CNTNAP5: variants seen among roughly 807,000 people sequenced by gnomAD.
The protein encoded by CNTNAP5 is contactin associated protein family member 5.
Under a neutral mutation model 150.2 loss-of-function variants are expected in CNTNAP5, and 72 were observed. The observed-to-expected ratio is 0.48, with a 90% CI of 0.40 to 0.58. The LOEUF is 0.58. Ranked by LOEUF, CNTNAP5 falls within the 20% of genes least tolerant of loss-of-function variation. CNTNAP5 has a pLI of 0.00. For synonymous variants in CNTNAP5, 672 were observed against 619.8 expected (o/e 1.08, Z -1.25); for missense variants, 1,636 against 1,626.2 (o/e 1.01, Z -0.10).
intron 21 of CNTNAP5, among the ~76,000 whole-genome samples, chr2:124,875,698 G>GTTTTTTT (rs5834090): frequency 6.3e-5 from 8 of 126,776 alleles, no homozygotes; most frequent in South Asian, 2.6e-4. Flanking sequence ...AACCATGAGG[G>GTTTTTTT]TTTTTTTTTT....
intron 13 of CNTNAP5, among the ~76,000 whole-genome samples, chr2:124,702,020 A>G (rs1679532070): frequency 6.6e-6 from 1 of 152,124 alleles, no homozygotes; most frequent in Admixed American, 6.6e-5. Context: ...TTCTACAATT[A>G]ATATTTTCTC....
At chr2:124,320,067 A>G (rs957451430) in intron 3 of CNTNAP5, among the ~76,000 whole-genome samples, 1 of 152,204 alleles carries the variant, frequency 6.6e-6, no homozygotes, top group South Asian at 2.1e-4. Context: ...CTTTTTAGCC[A>G]ACGCTCCCTG....
At chr2:124,523,294 G>A in intron 8 of CNTNAP5, among the ~76,000 whole-genome samples, 1 of 152,142 alleles carries the variant, frequency 6.6e-6, no homozygotes, top group Non-Finnish European at 1.5e-5. Context: ...CACAATGAGA[G>A]GAAAGACAAC....
At chr2:124,655,945 GAGAAAGAAAGAAAGAA>G (rs766640499) in intron 13 of CNTNAP5, among the ~76,000 whole-genome samples, 14 of 55,520 alleles carry the variant, frequency 2.5e-4, no homozygotes, top group East Asian at 1.8e-3. Context: ...GAGAGAGAGA[GAGAAAGAAAGAAAGAA>G]AGAAAGAAAG....
chr2:124,677,096 A>G (rs1215410637), intron 13 of CNTNAP5, among the ~76,000 whole-genome samples: 1 of 152,162 alleles, frequency 6.6e-6, no homozygotes, highest in East Asian at 1.9e-4. Context: ...TATAGTTCTT[A>G]AAGATGGTGT....
intron 3 of CNTNAP5, among the ~76,000 whole-genome samples, chr2:124,315,713 A>G (rs1325746130): frequency 2.0e-5 from 3 of 152,082 alleles, no homozygotes; most frequent in Non-Finnish European, 4.4e-5. Context: ...TATCTCCCCC[A>G]GGGATTCTTG....
In CNTNAP5 at chr2:124,242,933, C is replaced by T. The variant is rs117737820; in HGVS notation, c.381+540C>T. Among the ~76,000 whole-genome samples the T allele has an allele frequency of 3.4e-4, 51 of 152,236 alleles. No individual in the cohort carries two copies. In the East Asian group the frequency reaches 9.7e-3, roughly 29 times the overall value. ...TACAAATAATTGAAAACTAAAACTACAAAACAAGTAGAAAATTTAGAATTA... is the reference window on the plus strand; with the variant it reads ...TACAAATAATTGAAAACTAAAACTATAAAACAAGTAGAAAATTTAGAATTA... On this transcript the variant is annotated intron_variant, in intron 3 of 23. Transcript: ENST00000682447.
chr2:124,626,820 G>C (rs1219628511), intron 12 of CNTNAP5, among the ~76,000 whole-genome samples: 1 of 152,056 alleles, frequency 6.6e-6, no homozygotes, highest in African/African-American at 2.4e-5. Flanking sequence ...TGAAATCCCC[G>C]CTGCCAGCAC....
chr2:124,266,985 AC>A (rs368850673), intron 3 of CNTNAP5, among the ~76,000 whole-genome samples: 20,934 of 143,994 alleles, frequency 0.15, 1,872 homozygotes, highest in East Asian at 0.34. Flanking sequence ...TTTTTTTTTT[AC>A]AATGCTGGGA....
chr2:124,335,914 A>G (rs1213978070), intron 3 of CNTNAP5, among the ~76,000 whole-genome samples: 3 of 152,232 alleles, frequency 2.0e-5, no homozygotes, highest in South Asian at 2.1e-4. Context: ...AACGGATAAC[A>G]TAATGATTAA....
In CNTNAP5 at chr2:124,371,615, T is replaced by G. The variant is rs533455062; in HGVS notation, c.382-45828T>G. Among the ~76,000 whole-genome samples the G allele has an allele frequency of 3.4e-3, 518 of 152,234 alleles. 2 individuals are homozygous for G. Among genetic ancestry groups the G allele is most frequent in the African/African-American group, 0.012 (490 of 41,558 alleles). ...CTAATACATGGCACTTCCTAAATTT[T>G]GGGGACTCTTGCAACTGAAGCACTC... On this transcript the variant is annotated intron_variant, in intron 3 of 23. Coordinates refer to ENST00000682447, the MANE Select transcript of CNTNAP5 (RefSeq NM_001367498.1).
chr2:124,419,814 A>G (rs1202503211), intron 4 of CNTNAP5, among the ~76,000 whole-genome samples: 4 of 152,088 alleles, frequency 2.6e-5, no homozygotes, highest in South Asian at 2.1e-4. Context: ...CTCAGTTTGT[A>G]TCTAAAACCA....
Position 124,389,668 on chromosome 2 carries a change from AT to A in CNTNAP5, c.382-27774del, listed in dbSNP as rs1332178882. Among the ~76,000 whole-genome samples the A allele has an allele frequency of 2.6e-5, 4 of 152,190 alleles. No homozygotes were observed. The East Asian group carries it at 5.8e-4, about 22-fold the overall frequency. ...AAGAATCTGCACACCTTTTTAAAAA[AT>A]AATAATAATAATTTAGGCTGGGTGC... On this transcript the variant is annotated intron_variant, in intron 3 of 23. Coordinates refer to ENST00000682447, the MANE Select transcript of CNTNAP5 (RefSeq NM_001367498.1).
intron 13 of CNTNAP5, among the ~76,000 whole-genome samples, chr2:124,689,896 T>C (rs1679266403): frequency 6.6e-6 from 1 of 152,068 alleles, no homozygotes; most frequent in African/African-American, 2.4e-5. Flanking sequence ...CAATGAGTCT[T>C]TATACTTTTG....
chr2:124,680,672 T>G (rs938939275), intron 13 of CNTNAP5: 6 of 151,904 alleles, frequency 3.9e-5, no homozygotes, highest in African/African-American at 1.4e-4. Flanking sequence ...TAAATTTTTG[T>G]TGGAAATTGG....
chr2:124,559,605 G>A (rs1440829758), intron 10 of CNTNAP5, among the ~76,000 whole-genome samples: 1 of 152,174 alleles, frequency 6.6e-6, no homozygotes, highest in Non-Finnish European at 1.5e-5. Flanking sequence ...ACACCTAAAA[G>A]AGTGAGTGCC....
chr2:124,495,775 T>A (rs1258936839), intron 7 of CNTNAP5, among the ~76,000 whole-genome samples: 1 of 152,226 alleles, frequency 6.6e-6, no homozygotes, highest in Non-Finnish European at 1.5e-5. Flanking sequence ...GTACTTGTCC[T>A]TTCCGGTTTT....
Position 124,303,811 on chromosome 2 carries a change from C to T in CNTNAP5, c.381+61418C>T, listed in dbSNP as rs117994488. On this transcript the variant is annotated intron_variant, in intron 3 of 23. Coordinates refer to ENST00000682447, the MANE Select transcript of CNTNAP5 (RefSeq NM_001367498.1). ...ATTTTGGGAGGCCACAGAGGGGCAT[C>T]GCTTGAGGCCAGGAGTTCAAGACCA... Among the ~76,000 whole-genome samples, 698 of 152,148 alleles carry T rather than the reference C, an allele frequency of 4.6e-3. 6 individuals carry two copies. Among genetic ancestry groups the T allele is most frequent in the East Asian group, 0.031 (161 of 5,168 alleles).
intron 17 of CNTNAP5, among the ~76,000 whole-genome samples, chr2:124,777,835 ACTGT>A (rs1681360185): frequency 6.9e-6 from 1 of 145,324 alleles, no homozygotes; most frequent in Non-Finnish European, 1.5e-5. Context: ...CAGGATTCAT[ACTGT>A]CTTTTTTAAA....
Sources: gnomAD v4.1 joint callset for allele counts (sites outside exome capture counted in the v4.1 genomes callset) on GRCh38, gnomAD v4.1.1 for gene constraint, MANE v1.5 for transcripts, NCBI Gene and HGNC (gene_info 2026-07-23, HGNC 2026-07-21) for gene names.